Variants in NR3C1 observed in about 807,000 individuals in gnomAD.
The protein encoded by NR3C1 is glucocorticoid receptor.
NR3C1 carries 14 observed loss-of-function variants against 74.0 expected under a neutral mutation model. The ratio of observed to expected loss-of-function variants is 0.19; its 90% CI spans 0.12 to 0.30. NR3C1 has a LOEUF of 0.30. Among genes scored for constraint, NR3C1 ranks in the 10% least tolerant of loss-of-function variants. The pLI is 1.00. For missense variants in NR3C1, 695 were observed against 909.8 expected, an observed-to-expected ratio of 0.76 and a Z score of 3.04; for synonymous variants, 308 against 332.5, an observed-to-expected ratio of 0.93 and a Z score of 0.80.
chr5:143,404,517 C>T (rs1218873563), upstream of NR3C1: 208 of 972,256 alleles, frequency 2.1e-4, no homozygotes, highest in African/African-American at 2.4e-4. Flanking sequence ...GCGCCCCGAC[C>T]GTCCCCCACC....
intron 1 of NR3C1, among the ~76,000 whole-genome samples, chr5:143,433,460 A>ATATATATTTTATTTATTTGAAT (rs1751959119): frequency 6.8e-6 from 1 of 146,006 alleles, no homozygotes; most frequent in Non-Finnish European, 1.5e-5. Flanking sequence ...AATTATATAT[A>ATATATATTTTATTTATTTGAAT]TATATATATA....
chr5:143,294,823 T>C, intron 7 of NR3C1: 2 of 698,574 alleles, frequency 2.9e-6, no homozygotes, highest in Non-Finnish European at 3.5e-6. Context: ...GACAGCTTAT[T>C]TCTTTTTAGT....
chr5:143,339,019 T>C (rs1827717252), intron 2 of NR3C1, among the ~76,000 whole-genome samples: 1 of 152,184 alleles, frequency 6.6e-6, no homozygotes, highest in African/African-American at 2.4e-5. Flanking sequence ...TTCAGTACAG[T>C]AACATGCTGT....
chr5:143,319,114 C>A (rs1327681646), intron 2 of NR3C1, among the ~76,000 whole-genome samples: 1 of 152,128 alleles, frequency 6.6e-6, no homozygotes, highest in East Asian at 1.9e-4. Flanking sequence ...GTTATGGAGA[C>A]TAGTAAGGTA....
intron 7 of NR3C1, among the ~76,000 whole-genome samples, chr5:143,290,503 T>A (rs1195350058): frequency 6.6e-6 from 1 of 152,246 alleles, no homozygotes; most frequent in Non-Finnish European, 1.5e-5. Flanking sequence ...TAGCTTTTTT[T>A]AAATAGCATA....
At chr5:143,384,202 G>A (rs1178510486) in intron 2 of NR3C1, among the ~76,000 whole-genome samples, 2 of 152,144 alleles carry the variant, frequency 1.3e-5, no homozygotes, top group African/African-American at 2.4e-5. Flanking sequence ...AACAACAAGA[G>A]GGAAGTCCAC....
intron 7 of NR3C1, among the ~76,000 whole-genome samples, chr5:143,287,527 C>T (rs1599681852): frequency 6.6e-6 from 1 of 152,076 alleles, no homozygotes; most frequent in African/African-American, 2.4e-5. Flanking sequence ...TAAAAATCTT[C>T]CCTGAAAGAA....
At chr5:143,405,432 AG>A (rs1237898054), upstream of NR3C1, 30 of 862,756 alleles carry the variant, frequency 3.5e-5, no homozygotes, top group Non-Finnish European at 4.0e-5. Flanking sequence ...CCATCTTGGT[AG>A]GGTACAGTGT....
upstream of NR3C1, chr5:143,405,356 G>T (rs1841045932): frequency 1.0e-6 from 1 of 985,700 alleles, no homozygotes; most frequent in Non-Finnish European, 1.2e-6. Context: ...TCAGACTGAC[G>T]GCGGCTCCCC....
intron 2 of NR3C1, among the ~76,000 whole-genome samples, chr5:143,320,710 C>CT (rs1482673600): frequency 6.6e-6 from 1 of 152,200 alleles, no homozygotes; most frequent in Non-Finnish European, 1.5e-5. Flanking sequence ...TACTTAAAGT[C>CT]TAATCTGTCT....
At chr5:143,384,766 G>C (rs1031355479) in intron 2 of NR3C1, among the ~76,000 whole-genome samples, 2 of 152,208 alleles carry the variant, frequency 1.3e-5, no homozygotes, top group Non-Finnish European at 2.9e-5. Context: ...GGCTAGCATT[G>C]AGTGCCTACA....
At chr5:143,331,148 A>G (rs1003032447) in intron 2 of NR3C1, among the ~76,000 whole-genome samples, 1 of 152,176 alleles carries the variant, frequency 6.6e-6, no homozygotes. Context: ...ATAAGACCAC[A>G]CACTTAAAAC....
chr5:143,371,654 G>A lies in NR3C1; in HGVS notation c.1184+28002C>T, dbSNP rs140804970. 6.3e-3 allele frequency among the ~76,000 whole-genome samples: 967 copies of A among 152,306 alleles called. 13 individuals are homozygous for A. Among genetic ancestry groups the A allele is most frequent in the African/African-American group, 0.021 (884 of 41,578 alleles). Reference sequence around the variant, plus strand: ...GTCTCTTACCAGATGGGTATCATTGGCCAATATGTTTCATCTCTCTTACCT... The same window carrying A: ...GTCTCTTACCAGATGGGTATCATTGACCAATATGTTTCATCTCTCTTACCT... On this transcript the variant is annotated intron_variant, in intron 2 of 8. Coordinates refer to ENST00000394464, the MANE Select transcript of NR3C1 (RefSeq NM_000176.3).
chr5:143,409,769 CT>C (rs1255890457), intron 1 of NR3C1, among the ~76,000 whole-genome samples: 3 of 152,202 alleles, frequency 2.0e-5, no homozygotes, highest in Non-Finnish European at 4.4e-5. Flanking sequence ...ATGAACTCCA[CT>C]TTGGTATTCC....
At chr5:143,341,666 T>C (rs1828252207) in intron 2 of NR3C1, among the ~76,000 whole-genome samples, 1 of 152,214 alleles carries the variant, frequency 6.6e-6, no homozygotes, top group Admixed American at 6.5e-5. Context: ...AAGTTGAAAG[T>C]GAAATGATGT....
chr5:143,309,262 A>T (rs1180868792), intron 4 of NR3C1, among the ~76,000 whole-genome samples: 1 of 152,068 alleles, frequency 6.6e-6, no homozygotes, highest in African/African-American at 2.4e-5. Flanking sequence ...TAGCAGAGAC[A>T]GGGTTTCACC....
At chr5:143,398,665 C>T (rs1368999746) in intron 2 of NR3C1, among the ~76,000 whole-genome samples, 4 of 152,022 alleles carry the variant, frequency 2.6e-5, no homozygotes, top group Non-Finnish European at 2.9e-5. Context: ...TCACTACAAT[C>T]CACATTTTTA....
intron 2 of NR3C1, among the ~76,000 whole-genome samples, chr5:143,385,124 T>G (rs187484296): frequency 3.3e-5 from 5 of 152,220 alleles, no homozygotes; most frequent in Non-Finnish European, 7.3e-5. Flanking sequence ...GATTATCTCC[T>G]GGCCCCTTTT....
intron 2 of NR3C1, among the ~76,000 whole-genome samples, chr5:143,392,377 C>T (rs1278273573): frequency 6.6e-6 from 1 of 152,204 alleles, no homozygotes; most frequent in African/African-American, 2.4e-5. Context: ...AGTGACTTTA[C>T]AAATATATGC....
Sources: allele counts gnomAD v4.1 joint callset (sites outside exome capture counted in the v4.1 genomes callset), GRCh38; gene constraint gnomAD v4.1.1; transcripts MANE v1.5; gene names NCBI Gene and HGNC (gene_info 2026-07-23, HGNC 2026-07-21).